Variants in SLC71A1 observed in about 807,000 individuals in gnomAD.
The protein encoded by SLC71A1 is solute carrier family 71 member 1.
chr1:100,044,511 A>ATTT, the SLC71A1 span, among the ~76,000 whole-genome samples: 791 of 103,088 alleles, frequency 7.7e-3, 10 homozygotes, highest in Non-Finnish European at 0.011. Flanking sequence ...TACTCTGCTG[A>ATTT]TTTTTTTTTT....
the SLC71A1 span, among the ~76,000 whole-genome samples, chr1:100,063,878 TGAG>T: frequency 2.6e-5 from 4 of 152,148 alleles, no homozygotes; most frequent in South Asian, 6.2e-4. Flanking sequence ...TGGAGAGAAC[TGAG>T]GAGAAGGGAA....
chr1:100,077,891 A>G, the SLC71A1 span, among the ~76,000 whole-genome samples: 1 of 152,160 alleles, frequency 6.6e-6, no homozygotes, highest in Non-Finnish European at 1.5e-5. Flanking sequence ...CTCTGTTTGG[A>G]CTTGGATATA....
the SLC71A1 span, among the ~76,000 whole-genome samples, chr1:100,045,427 C>T: frequency 1.3e-5 from 2 of 152,128 alleles, no homozygotes; most frequent in Admixed American, 6.6e-5. Context: ...GGTATACAGT[C>T]ATATCATTGG....
chr1:100,052,832 G>A, the SLC71A1 span, among the ~76,000 whole-genome samples: 1 of 151,124 alleles, frequency 6.6e-6, no homozygotes, highest in Non-Finnish European at 1.5e-5. Flanking sequence ...TGCCCAGGCT[G>A]GAGTGCAGTG....
chr1:100,080,609 A>G, the SLC71A1 span: 1 of 1,614,122 alleles, frequency 6.2e-7, no homozygotes. Flanking sequence ...ACTGCCAATA[A>G]CAGGAACAGA....
the SLC71A1 span, chr1:100,068,378 A>G: frequency 1.1e-6 from 1 of 945,010 alleles, no homozygotes; most frequent in Non-Finnish European, 1.7e-6. Flanking sequence ...GTTGTCCATG[A>G]GTACACTGCC....
chr1:100,068,987 T>TTAAATAAA, the SLC71A1 span, among the ~76,000 whole-genome samples: 4 of 151,920 alleles, frequency 2.6e-5, no homozygotes, highest in African/African-American at 4.8e-5. Context: ...CGTCTCAAAA[T>TTAAATAAA]TAAATAAATA....
chr1:100,043,457 CA>C, the SLC71A1 span, among the ~76,000 whole-genome samples: 9 of 152,130 alleles, frequency 5.9e-5, no homozygotes, highest in South Asian at 2.1e-4. Context: ...ATAAATAATA[CA>C]TGTTTTCCTT....
the SLC71A1 span, chr1:100,077,349 A>G: frequency 3.9e-6 from 3 of 764,890 alleles, no homozygotes; most frequent in African/African-American, 5.4e-5. Context: ...TTGCTTCTCA[A>G]CTGAGGGGTA....
the SLC71A1 span, among the ~76,000 whole-genome samples, chr1:100,044,511 A>ATTTTT: frequency 7.8e-5 from 8 of 103,144 alleles, no homozygotes; most frequent in Non-Finnish European, 1.2e-4. Context: ...TACTCTGCTG[A>ATTTTT]TTTTTTTTTT....
the SLC71A1 span, among the ~76,000 whole-genome samples, chr1:100,062,309 A>G: frequency 6.6e-6 from 1 of 152,194 alleles, no homozygotes; most frequent in African/African-American, 2.4e-5. Context: ...ACAGGCTAAC[A>G]TCTAGCTCAG....
the SLC71A1 span, among the ~76,000 whole-genome samples, chr1:100,052,656 TC>T: frequency 3.3e-3 from 499 of 152,194 alleles, 9 homozygotes; most frequent in South Asian, 1.2e-3. Context: ...GGTCTCGATC[TC>T]TTAACCTCGT....
the SLC71A1 span, among the ~76,000 whole-genome samples, chr1:100,039,830 C>G: frequency 6.6e-6 from 1 of 152,136 alleles, no homozygotes; most frequent in Non-Finnish European, 1.5e-5. Flanking sequence ...ACACAGCTTC[C>G]TTTTCCTTGG....
chr1:100,079,481 A>G, the SLC71A1 span: 1 of 152,226 alleles, frequency 6.6e-6, no homozygotes, highest in Admixed American at 6.5e-5. Context: ...AAACAGTGGC[A>G]GTTGTCACTT....
the SLC71A1 span, among the ~76,000 whole-genome samples, chr1:100,075,541 C>T: frequency 2.6e-5 from 4 of 152,118 alleles, no homozygotes; most frequent in Non-Finnish European, 5.9e-5. Flanking sequence ...CTTACAGTTT[C>T]CTTTTTCATA....
the SLC71A1 span, among the ~76,000 whole-genome samples, chr1:100,040,292 A>C: frequency 2.0e-5 from 3 of 150,174 alleles, no homozygotes; most frequent in African/African-American, 7.6e-5. Flanking sequence ...TAATCAGAGG[A>C]TATATTTCAA....
At chr1:100,062,096 T>G in the SLC71A1 span, 1 of 558,558 alleles carries the variant, frequency 1.8e-6, no homozygotes. Context: ...TAGACTACAT[T>G]TAAAATTTTT....
chr1:100,075,393 A>T, the SLC71A1 span, among the ~76,000 whole-genome samples: 1 of 152,236 alleles, frequency 6.6e-6, no homozygotes, highest in Non-Finnish European at 1.5e-5. Flanking sequence ...CTAGAGCCAT[A>T]TAAAGAATCA....
the SLC71A1 span, chr1:100,068,413 A>G: frequency 8.5e-7 from 1 of 1,177,878 alleles, no homozygotes; most frequent in Non-Finnish European, 1.3e-6. Flanking sequence ...CGTATTCTTA[A>G]GAATAGTTCA....
Sources: gnomAD v4.1 joint callset for allele counts (sites outside exome capture counted in the v4.1 genomes callset) on GRCh38, gnomAD v4.1.1 for gene constraint, MANE v1.5 for transcripts, NCBI Gene and HGNC (gene_info 2026-07-23, HGNC 2026-07-21) for gene names.